The following ARL5A variants were observed in gnomAD, a reference collection of about 807,000 sequenced individuals.
ARL5A encodes ADP-ribosylation factor-like protein 5A.
Under a neutral mutation model 25.9 loss-of-function variants are expected in ARL5A, and 18 were observed. The observed-to-expected ratio is 0.69, with a 90% CI of 0.48 to 1.03. The LOEUF (loss-of-function observed/expected upper bound fraction) is 1.03, where lower values mean the gene tolerates loss of function less well. ARL5A is among the 50% of genes least tolerant of loss of function. The probability of loss-of-function intolerance (pLI) is 0.00; values close to 1 mark genes in which losing one functional copy is unlikely to be tolerated. For missense variants in ARL5A, 170 were observed against 211.9 expected (o/e 0.80, Z 1.23); for synonymous variants, 61 against 67.5 (o/e 0.90, Z 0.47).
chr2:151,828,043 C>A, intron 1 of ARL5A, 88 bp downstream of exon 1: 1 of 1,439,946 alleles, frequency 6.9e-7, no homozygotes, highest in East Asian at 2.5e-5. Context: ...CCGAGCCGCC[C>A]ACATTCCGAA....
intron 1 of ARL5A, chr2:151,827,863 C>T (rs563306046): frequency 1.4e-5 from 7 of 498,832 alleles, no homozygotes; most frequent in African/African-American, 1.2e-4. Flanking sequence ...ACCTTTACCA[C>T]TCTCATTCGA....
chr2:151,822,246 G>C (rs1363312831), intron 1 of ARL5A, among the ~76,000 whole-genome samples: 1 of 152,078 alleles, frequency 6.6e-6, no homozygotes, highest in African/African-American at 2.4e-5. Context: ...CCTGACCTCA[G>C]GTGATCCATC....
chr2:151,809,540 TAG>T (rs2099830547), intron 4 of ARL5A, among the ~76,000 whole-genome samples: 1 of 152,230 alleles, frequency 6.6e-6, no homozygotes, highest in Non-Finnish European at 1.5e-5. Flanking sequence ...ATGTATATAT[TAG>T]AACAGTAGAA....
In ARL5A at chr2:151,812,344, A is replaced by G; in HGVS notation, c.339+13T>C. 3 of 1,562,496 alleles carry G rather than the reference A, an allele frequency of 1.9e-6. No individual in the cohort carries two copies. Among genetic ancestry groups the G allele is most frequent in the Non-Finnish European group, 2.6e-6 (3 of 1,146,776 alleles). The stretch of plus-strand genomic sequence containing the variant: ...CCTTCCCCATATCTAATGTAAAAAG[A>G]CTACTTACTTACCTCATGCGCTAAC... On this transcript the variant is annotated intron_variant, in intron 4 of 5. Transcript: ENST00000295087.
At chr2:151,826,928 C>CTGTG (rs202078189) in intron 1 of ARL5A, among the ~76,000 whole-genome samples, 2,400 of 150,858 alleles carry the variant, frequency 0.016, 50 homozygotes, top group African/African-American at 0.046. Flanking sequence ...ACCTACACAT[C>CTGTG]TGTGTGTGTG....
At chr2:151,805,241 C>A (rs914172195) in intron 5 of ARL5A, among the ~76,000 whole-genome samples, 3 of 151,094 alleles carry the variant, frequency 2.0e-5, no homozygotes, top group Non-Finnish European at 4.4e-5. Context: ...ATTAAAAAAC[C>A]TTTTTTAAGG....
In ARL5A at chr2:151,819,398, G is replaced by C. The variant is rs576726470; in HGVS notation, c.47-4199C>G. Among the ~76,000 whole-genome samples, 5 of 152,322 alleles carry C rather than the reference G, an allele frequency of 3.3e-5. No homozygotes were observed. The South Asian group carries it at 1.0e-3, about 32-fold the overall frequency. Reference sequence around the variant, plus strand: ...CTGAAGATGAACTTGACTTTAAAGTGGGAGATGAGCCACCTCGTATCATCT... The same window carrying C: ...CTGAAGATGAACTTGACTTTAAAGTCGGAGATGAGCCACCTCGTATCATCT... On this transcript the variant is annotated intron_variant, in intron 1 of 5. Coordinates refer to ENST00000295087, the MANE Select transcript of ARL5A (RefSeq NM_012097.4).
intron 1 of ARL5A, among the ~76,000 whole-genome samples, chr2:151,821,355 T>C (rs537101938): frequency 7.0e-4 from 106 of 152,214 alleles, no homozygotes; most frequent in South Asian, 3.5e-3. Context: ...ATGGTTAAAA[T>C]ACTTCAAAAA....
chr2:151,809,962 A>T (rs552767221), intron 4 of ARL5A, among the ~76,000 whole-genome samples: 1 of 152,272 alleles, frequency 6.6e-6, no homozygotes, highest in South Asian at 2.1e-4. Context: ...GGGCGCCTGT[A>T]ATCTCAGCTA....
At chr2:151,822,559 G>C (rs1295575912) in intron 1 of ARL5A, among the ~76,000 whole-genome samples, 4 of 152,174 alleles carry the variant, frequency 2.6e-5, no homozygotes, top group Non-Finnish European at 2.9e-5. Flanking sequence ...ATGTAAATTT[G>C]TAGCCAAAAA....
At chr2:151,811,072 G>T (rs2099830773) in intron 4 of ARL5A, among the ~76,000 whole-genome samples, 1 of 152,118 alleles carries the variant, frequency 6.6e-6, no homozygotes, top group South Asian at 2.1e-4. Context: ...AAATCTCCAG[G>T]AGGTTTAAAC....
chr2:151,814,461 G>A lies in ARL5A; in HGVS notation c.108-145C>T, dbSNP rs1005940106. ...TCCCACTAGTTTACAACATGAGTGA[G>A]GGTTTAAACAGGGCTGGAACTAGGT... is the stretch of plus-strand genomic sequence containing the variant. On this transcript the variant is annotated intron_variant, in intron 2 of 5. Coordinates refer to ENST00000295087, the MANE Select transcript of ARL5A (RefSeq NM_012097.4). 2.8e-5 allele frequency: 18 copies of A among 634,874 alleles called. 1 individual carries two copies. The Middle Eastern group carries it at 1.3e-3, about 45-fold the overall frequency. The allele number at this position is 634,874 out of a possible 1,614,324, so 39.3% of individuals were successfully genotyped here.
chr2:151,814,137 T>G (rs774874812), intron 3 of ARL5A, 32 bp downstream of exon 3: 2 of 1,522,302 alleles, frequency 1.3e-6, no homozygotes, highest in East Asian at 4.7e-5. Context: ...GCATTCTGTT[T>G]ATAGAATTTT....
intron 1 of ARL5A, among the ~76,000 whole-genome samples, chr2:151,826,101 A>G (rs1419035582): frequency 1.3e-5 from 2 of 152,172 alleles, no homozygotes; most frequent in Non-Finnish European, 2.9e-5. Context: ...CAGCCTGGTG[A>G]CAGAGCAAGA....
rs1005914260 is a variant in ARL5A at position 151,802,427 on chromosome 2, C to T, written c.*849G>A. ...AATAATTTATTCAGTAATTTAGATGCCATAAGAACCACTGAAAGGAATAAT... is the reference window on the plus strand; with the variant it reads ...AATAATTTATTCAGTAATTTAGATGTCATAAGAACCACTGAAAGGAATAAT... On this transcript the variant is annotated 3_prime_UTR_variant, in exon 6 of 6. Transcript: ENST00000295087. 4.6e-5 allele frequency: 7 copies of T among 151,942 alleles called. No individual in the cohort carries two copies. The highest frequency in any genetic ancestry group is 1.7e-4 in the African/African-American group (7 of 41,392). 9.4% of individuals were successfully genotyped at this position (151,942 alleles called of 1,614,324 possible). A position where few individuals can be genotyped will look rare whatever the true frequency, so the allele number is the denominator to read the frequency against.
chr2:151,799,079 T>C lies in ARL5A; in HGVS notation c.*4197A>G, dbSNP rs1276738109. 6.6e-6 allele frequency: 1 copy of C among 152,216 alleles called. No homozygotes were observed. Among genetic ancestry groups the C allele is most frequent in the African/African-American group, 2.4e-5 (1 of 41,450 alleles). The allele number at this position is 152,216 out of a possible 1,614,324, so 9.4% of individuals were successfully genotyped here. ...AAAGTTACTTTTTAGCATCCAAAAT[T>C]GTAATTTCTGGCTTTCTTTCCTTTT... is the stretch of plus-strand genomic sequence containing the variant. On this transcript the variant is annotated 3_prime_UTR_variant, in exon 6 of 6. Coordinates refer to ENST00000295087, the MANE Select transcript of ARL5A (RefSeq NM_012097.4).
chr2:151,806,845 G>A lies in ARL5A; in HGVS notation c.467C>T (p.Ala156Val), dbSNP rs759259880. 21 of 1,612,074 alleles carry A rather than the reference G, an allele frequency of 1.3e-5. No individual in the cohort carries two copies. Among genetic ancestry groups the A allele is most frequent in the Non-Finnish European group, 1.8e-5 (21 of 1,179,478 alleles). ...CCCCTCGCCAGTTAGAGCACAGCAT[G>A]CCTGGATATGCCACTGGTGATCTTT... ...SIKDHQWHIQ[A>V]CCALTGEGLC... The change falls in exon 5 of 6, where the codon GCA becomes GTA. Residue 156 changes from alanine (A) to valine (V), a missense_variant. Ala to Val is a moderately conservative substitution (Grantham distance 64). Transcript: ENST00000295087.
At chr2:151,811,845 T>G (rs1224331780) in intron 4 of ARL5A, among the ~76,000 whole-genome samples, 3 of 152,182 alleles carry the variant, frequency 2.0e-5, no homozygotes, top group African/African-American at 7.2e-5. Flanking sequence ...GTGCTGTGAT[T>G]ACAGGAGTGA....
In ARL5A at chr2:151,819,068, C is replaced by A. The variant is rs527915685; in HGVS notation, c.47-3869G>T. Among the ~76,000 whole-genome samples, 4 of 151,826 alleles carry A rather than the reference C, an allele frequency of 2.6e-5. No individual in the cohort carries two copies. In the East Asian group the frequency reaches 7.7e-4, roughly 29 times the overall value. The stretch of plus-strand genomic sequence containing the variant: ...AACTACTTTGACCCTAAAAACAGTA[C>A]AAAATTAGCAGGAAAAGTCCAAAAG... On this transcript the variant is annotated intron_variant, in intron 1 of 5. Coordinates refer to ENST00000295087, the MANE Select transcript of ARL5A (RefSeq NM_012097.4).
Sources: gnomAD v4.1 joint callset for allele counts (sites outside exome capture counted in the v4.1 genomes callset) on GRCh38, gnomAD v4.1.1 for gene constraint, MANE v1.5 for transcripts, NCBI Gene and HGNC (gene_info 2026-07-23, HGNC 2026-07-21) for gene names.